Variants in ELOVL2 observed in about 807,000 individuals in gnomAD.
ELOVL2 encodes very long chain fatty acid elongase 2.
In ELOVL2, 38 loss-of-function variants were observed where a neutral mutation model predicts 37.7. The observed-to-expected ratio is 1.01, with a 90% confidence interval of 0.78 to 1.32. The LOEUF is 1.32. ELOVL2 is among the 40% of genes most tolerant of loss of function. The pLI is 0.00. For synonymous variants in ELOVL2, 115 were observed against 122.3 expected (o/e 0.94, Z 0.40); for missense variants, 352 against 363.6 (o/e 0.97, Z 0.26).
At chr6:10,998,422 GTTTAA>G (rs993376300) in intron 4 of ELOVL2, among the ~76,000 whole-genome samples, 1 of 152,104 alleles carries the variant, frequency 6.6e-6, no homozygotes, top group Non-Finnish European at 1.5e-5. Flanking sequence ...CAAGATAAAT[GTTTAA>G]TTCTTTCCCT....
intron 1 of ELOVL2, among the ~76,000 whole-genome samples, chr6:11,018,276 C>A (rs1782714832): frequency 6.6e-6 from 1 of 151,976 alleles, no homozygotes; most frequent in African/African-American, 2.4e-5. Context: ...ATTTAGTCAT[C>A]CTAGGAATTA....
chr6:10,996,454 G>C (rs1361611746), intron 4 of ELOVL2, among the ~76,000 whole-genome samples: 1 of 152,072 alleles, frequency 6.6e-6, no homozygotes, highest in Non-Finnish European at 1.5e-5. Context: ...TGGATCACGA[G>C]GTCAGGAGTT....
rs376643683 is a variant in ELOVL2 at position 10,994,314 on chromosome 6, A to G, written c.505+693T>C. 3.9e-5 allele frequency among the ~76,000 whole-genome samples: 6 copies of G among 152,086 alleles called. No homozygotes were observed. The East Asian group carries it at 1.2e-3, about 30-fold the overall frequency. On this transcript the variant is annotated intron_variant, in intron 5 of 7. Coordinates refer to ENST00000354666, the MANE Select transcript of ELOVL2 (RefSeq NM_017770.4). Reference sequence around the variant, plus strand: ...AAACCCTGTCTCTACTAAAAATACAAAAAATTAGCTGGGCGTGGTGGTGGG... The same window carrying G: ...AAACCCTGTCTCTACTAAAAATACAGAAAATTAGCTGGGCGTGGTGGTGGG...
chr6:11,041,975 C>T (rs1358448871), intron 1 of ELOVL2, among the ~76,000 whole-genome samples: 2 of 149,786 alleles, frequency 1.3e-5, no homozygotes, highest in Admixed American at 6.7e-5. Context: ...ATAAATTCAA[C>T]CCCCTAACTT....
intron 1 of ELOVL2, among the ~76,000 whole-genome samples, chr6:11,040,390 C>A (rs1375645678): frequency 6.6e-6 from 1 of 151,954 alleles, no homozygotes; most frequent in East Asian, 1.9e-4. Context: ...ATACGGCTAG[C>A]CTGAACTGAG....
intron 7 of ELOVL2, 57 bp from the exon 8 acceptor site, chr6:10,983,963 G>A: frequency 6.9e-7 from 1 of 1,450,326 alleles, no homozygotes; most frequent in East Asian, 2.3e-5. Flanking sequence ...ATAAGACCTT[G>A]TCTTTAACAG....
chr6:10,986,931 T>C (rs1052425670), intron 7 of ELOVL2, among the ~76,000 whole-genome samples: 4 of 152,200 alleles, frequency 2.6e-5, no homozygotes, highest in Non-Finnish European at 5.9e-5. Flanking sequence ...ATGGTACCAG[T>C]TCCTCCTTGT....
rs201000857 is a variant in ELOVL2, at chr6:10,992,804, A to ACAAC, written c.505+2202_505+2203insGTTG. ...TCCATCTCAAAAAAAACAAAACAAAAAAAAACAAAAAAAAACAGGATTAAA... is the reference window on the plus strand; with the variant it reads ...TCCATCTCAAAAAAAACAAAACAAAACAACAAAAACAAAAAAAAACAGGATTAAA... On this transcript the variant is annotated intron_variant, in intron 5 of 7. Transcript: ENST00000354666. 4.3e-4 allele frequency among the ~76,000 whole-genome samples: 60 copies of ACAAC among 138,852 alleles called. 2 individuals carry two copies. The highest frequency in any genetic ancestry group is 3.6e-3 in the Middle Eastern group (1 of 276). 91.1% of individuals were successfully genotyped at this position (138,852 alleles called of 152,430 possible). A position where few individuals can be genotyped will look rare whatever the true frequency, so the allele number is the denominator to read the frequency against.
intron 1 of ELOVL2, among the ~76,000 whole-genome samples, chr6:11,022,214 T>G (rs1782774528): frequency 6.6e-6 from 1 of 152,200 alleles, no homozygotes; most frequent in African/African-American, 2.4e-5. Context: ...TGGAGTGTGT[T>G]ACCTGCAAGC....
chr6:11,026,730 T>A (rs1782843307), intron 1 of ELOVL2, among the ~76,000 whole-genome samples: 1 of 152,254 alleles, frequency 6.6e-6, no homozygotes, highest in Non-Finnish European at 1.5e-5. Flanking sequence ...TTTATATGTA[T>A]GCAGCATATG....
intron 1 of ELOVL2, among the ~76,000 whole-genome samples, chr6:11,030,191 C>G (rs1782900457): frequency 6.6e-6 from 1 of 152,150 alleles, no homozygotes; most frequent in African/African-American, 2.4e-5. Context: ...CTTTAGTTCT[C>G]TAAAACTGCA....
intron 7 of ELOVL2, among the ~76,000 whole-genome samples, chr6:10,988,765 C>T (rs1278534279): frequency 6.6e-6 from 1 of 152,228 alleles, no homozygotes; most frequent in African/African-American, 2.4e-5. Context: ...TTAAAATCTA[C>T]ATCCACCTGA....
In ELOVL2 at chr6:10,981,401, T is replaced by C. The variant is rs1449534445; in HGVS notation, c.*2380A>G. ...CAGGTTAAAATGTTTACCTGATTTATTTTTTGTGGCTAAGATTTCATAACT... is the reference window on the plus strand; with the variant it reads ...CAGGTTAAAATGTTTACCTGATTTACTTTTTGTGGCTAAGATTTCATAACT... On this transcript the variant is annotated 3_prime_UTR_variant, in exon 8 of 8. Transcript: ENST00000354666. 1 of 152,668 alleles carries C rather than the reference T, an allele frequency of 6.6e-6. No individual in the cohort carries two copies. Among genetic ancestry groups the C allele is most frequent in the Admixed American group, 6.5e-5 (1 of 15,284 alleles). 9.5% of individuals were successfully genotyped at this position (152,668 alleles called of 1,614,324 possible). A position where few individuals can be genotyped will look rare whatever the true frequency, so the allele number is the denominator to read the frequency against.
chr6:10,990,526 T>A, intron 5 of ELOVL2, 84 bp from the exon 6 acceptor site: 1 of 1,344,676 alleles, frequency 7.4e-7, no homozygotes, highest in Non-Finnish European at 1.0e-6. Flanking sequence ...TCTCTCTGCA[T>A]GGTAATTGAA....
At chr6:11,014,196 T>C (rs1010889316) in intron 1 of ELOVL2, among the ~76,000 whole-genome samples, 3 of 152,200 alleles carry the variant, frequency 2.0e-5, no homozygotes, top group South Asian at 4.1e-4. Context: ...GTTCAGTAGT[T>C]TGGTAAAAAC....
rs1781972349 is a variant in ELOVL2, at chr6:10,983,161, C to G, written c.*620G>C. 6.6e-6 allele frequency: 1 copy of G among 152,034 alleles called. No individual in the cohort carries two copies. Among genetic ancestry groups the G allele is most frequent in the African/African-American group, 2.4e-5 (1 of 41,386 alleles). 9.4% of individuals were successfully genotyped at this position (152,034 alleles called of 1,614,324 possible). A position where few individuals can be genotyped will look rare whatever the true frequency, so the allele number is the denominator to read the frequency against. On this transcript the variant is annotated 3_prime_UTR_variant, in exon 8 of 8. Coordinates refer to ENST00000354666, the MANE Select transcript of ELOVL2 (RefSeq NM_017770.4). ...AATAACTAATATTTAAAATAAATAC[C>G]AATTTCATTACCATATCACTAAATT...
chr6:11,040,809 G>A (rs996595098), intron 1 of ELOVL2, among the ~76,000 whole-genome samples: 2 of 152,096 alleles, frequency 1.3e-5, no homozygotes, highest in African/African-American at 4.8e-5. Context: ...AAAACCTTAT[G>A]AAATATTATC....
At chr6:11,031,797 T>A (rs56088207) in intron 1 of ELOVL2, among the ~76,000 whole-genome samples, 13,115 of 152,234 alleles carry the variant, frequency 0.086, 1,700 homozygotes, top group African/African-American at 0.28. Flanking sequence ...AATTTTTCTT[T>A]AGGTTTTTAA....
intron 1 of ELOVL2, among the ~76,000 whole-genome samples, chr6:11,023,902 C>CTA (rs1782804415): frequency 6.6e-6 from 1 of 152,308 alleles, no homozygotes; most frequent in South Asian, 2.1e-4. Context: ...TGGTGAAACA[C>CTA]TATACTTGGC....
Sources: allele counts gnomAD v4.1 joint callset (sites outside exome capture counted in the v4.1 genomes callset), GRCh38; gene constraint gnomAD v4.1.1; transcripts MANE v1.5; gene names NCBI Gene and HGNC (gene_info 2026-07-23, HGNC 2026-07-21).